PRRG1: variants seen among roughly 807,000 people sequenced by gnomAD.
PRRG1 encodes the protein proline rich and Gla domain 1.
In PRRG1, 5 loss-of-function variants were observed where a neutral mutation model predicts 11.8. That is an observed-to-expected ratio of 0.42 (90% CI 0.22 to 0.89). The LOEUF is 0.89. Among genes scored for constraint, PRRG1 ranks in the 40% least tolerant of loss-of-function variants. The pLI is 0.28. For synonymous variants in PRRG1, 66 were observed against 60.4 expected (o/e 1.09, Z -0.43); for missense variants, 155 against 166.1 (o/e 0.93, Z 0.37).
chrX:37,401,299 C>A (rs1157822652), intron 1 of PRRG1, among the ~76,000 whole-genome samples: 1 of 110,988 alleles, frequency 9.0e-6, no homozygotes, highest in Admixed American at 9.5e-5. Flanking sequence ...ATCAAGTGGG[C>A]TTCATCCCTG....
chrX:37,364,664 G>T (rs782300975), intron 1 of PRRG1, among the ~76,000 whole-genome samples: 1 of 111,420 alleles, frequency 9.0e-6, no homozygotes, highest in Non-Finnish European at 1.9e-5. Context: ...ATTCCTTTTC[G>T]TGTTACTTCC....
At chrX:37,435,265 T>C (rs1471371967) in intron 3 of PRRG1, among the ~76,000 whole-genome samples, 1 of 111,574 alleles carries the variant, frequency 9.0e-6, no homozygotes, top group Non-Finnish European at 1.9e-5. Context: ...ACAAAATAAA[T>C]GATGTAGTAT....
chrX:37,389,618 C>T (rs1556376096), intron 1 of PRRG1, among the ~76,000 whole-genome samples: 1 of 111,240 alleles, frequency 9.0e-6, no homozygotes, highest in Non-Finnish European at 1.9e-5. Context: ...ATAACTCACT[C>T]ACTCATTCTC....
At chrX:37,420,668 C>CAAAAAA (rs1302856034) in intron 2 of PRRG1, among the ~76,000 whole-genome samples, 17 of 29,325 alleles carry the variant, frequency 5.8e-4, no homozygotes, top group African/African-American at 1.4e-3. Flanking sequence ...CCCGTCTATG[C>CAAAAAA]AAAAAAAAAA....
At chrX:37,424,988 C>T (rs192337040) in intron 2 of PRRG1, among the ~76,000 whole-genome samples, 82 of 111,194 alleles carry the variant, frequency 7.4e-4, no homozygotes, top group African/African-American at 2.5e-3. Flanking sequence ...CTTGCATTAA[C>T]GGAGATGAAA....
At chrX:37,400,483 G>A (rs1437870918) in intron 1 of PRRG1, among the ~76,000 whole-genome samples, 5 of 110,956 alleles carry the variant, frequency 4.5e-5, no homozygotes, top group Non-Finnish European at 7.5e-5. Context: ...ATTCAAAGCA[G>A]TGTGTAGAGG....
chrX:37,420,648 A>G (rs1369712518), intron 2 of PRRG1, among the ~76,000 whole-genome samples: 2 of 97,160 alleles, frequency 2.1e-5, no homozygotes, highest in Non-Finnish European at 4.0e-5. Context: ...CCTGGGCAAC[A>G]TGGAAAAACC....
At chrX:37,409,181 A>G (rs1932286465) in intron 2 of PRRG1, among the ~76,000 whole-genome samples, 2 of 112,223 alleles carry the variant, frequency 1.8e-5, no homozygotes, top group African/African-American at 3.2e-5. Flanking sequence ...GTATTCTTGT[A>G]ATAAAATACA....
At chrX:37,435,802 A>G (rs1014020841) in intron 3 of PRRG1, among the ~76,000 whole-genome samples, 2 of 111,570 alleles carry the variant, frequency 1.8e-5, no homozygotes, top group Non-Finnish European at 3.8e-5. Context: ...CGAAATGTCA[A>G]TTAGATTCTG....
intron 3 of PRRG1, chrX:37,440,683 T>C: frequency 2.1e-6 from 1 of 474,913 alleles, no homozygotes; most frequent in Non-Finnish European, 3.7e-6. Flanking sequence ...TTAATAAAAA[T>C]TATAATTCCC....
intron 3 of PRRG1, among the ~76,000 whole-genome samples, chrX:37,434,236 G>T (rs1556391319): frequency 8.9e-6 from 1 of 111,998 alleles, no homozygotes; most frequent in African/African-American, 3.2e-5. Flanking sequence ...ACCTAATTTG[G>T]AACACAAGTC....
At position 37,453,718 on chromosome X, in the gene PRRG1, A is replaced by G. The variant is rs1556397493; in HGVS notation, c.*97A>G. The stretch of plus-strand genomic sequence containing the variant: ...ACATAAATGTTCATTGACTTATTTT[A>G]TTGGACTCTTACCGCATACCACTTC... On this transcript the variant is annotated 3_prime_UTR_variant, in exon 4 of 4. Coordinates refer to ENST00000378628, the MANE Select transcript of PRRG1 (RefSeq NM_001142395.2). 1.1e-6 allele frequency: 1 copy of G among 880,836 alleles called. No individual in the cohort carries two copies. The highest frequency in any genetic ancestry group is 1.5e-6 in the Non-Finnish European group (1 of 658,861). 72.6% of individuals were successfully genotyped at this position (880,836 alleles called of 1,213,427 possible).
At chrX:37,392,516 C>G (rs1249780726) in intron 1 of PRRG1, among the ~76,000 whole-genome samples, 2 of 105,632 alleles carry the variant, frequency 1.9e-5, no homozygotes, top group African/African-American at 7.0e-5. Flanking sequence ...TGGTAAAACC[C>G]TGTCTATACA....
chrX:37,365,915 G>A (rs1341299248), intron 1 of PRRG1, among the ~76,000 whole-genome samples: 1 of 112,057 alleles, frequency 8.9e-6, no homozygotes, highest in Non-Finnish European at 1.9e-5. Flanking sequence ...AGGGGTGCCT[G>A]TATTTTGAGT....
chrX:37,409,809 C>T (rs1224304707), intron 2 of PRRG1, among the ~76,000 whole-genome samples: 1 of 111,747 alleles, frequency 8.9e-6, no homozygotes, highest in Non-Finnish European at 1.9e-5. Flanking sequence ...AAAAATATTG[C>T]AAAGATATGA....
chrX:37,358,528 A>G (rs782372131), intron 1 of PRRG1, among the ~76,000 whole-genome samples: 1 of 111,379 alleles, frequency 9.0e-6, no homozygotes, highest in East Asian at 2.8e-4. Context: ...TTTGTCAAAG[A>G]TCAGTTGACG....
chrX:37,403,867 A>T, intron 1 of PRRG1: 1 of 487,961 alleles, frequency 2.0e-6, no homozygotes, highest in Non-Finnish European at 2.5e-6. Context: ...TGTCTTATTT[A>T]AAATAAGATG....
At position 37,414,302 on chromosome X, in the gene PRRG1, C is replaced by G. The variant is rs782565353; in HGVS notation, c.10+8043C>G. Among the ~76,000 whole-genome samples the G allele has an allele frequency of 4.5e-5, 5 of 111,563 alleles. No homozygotes were observed. The South Asian group carries it at 1.5e-3, about 34-fold the overall frequency. On this transcript the variant is annotated intron_variant, in intron 2 of 3. Transcript: ENST00000378628. Reference sequence around the variant, plus strand: ...TGTTTTCTCCCACTCGGTGGTTTGTCTTTTCATTCTCTCGATATAATGGTG... The same window carrying G: ...TGTTTTCTCCCACTCGGTGGTTTGTGTTTTCATTCTCTCGATATAATGGTG...
At chrX:37,400,306 C>G (rs1556379842) in intron 1 of PRRG1, among the ~76,000 whole-genome samples, 1 of 111,794 alleles carries the variant, frequency 8.9e-6, no homozygotes, top group African/African-American at 3.3e-5. Flanking sequence ...TGCAATCAAA[C>G]TAGAACTCAG....
Sources: allele counts gnomAD v4.1 joint callset (sites outside exome capture counted in the v4.1 genomes callset), GRCh38; gene constraint gnomAD v4.1.1; transcripts MANE v1.5; gene names NCBI Gene and HGNC (gene_info 2026-07-23, HGNC 2026-07-21).